The following CCDC93 variants were observed in gnomAD, a reference collection of about 807,000 sequenced individuals.
CCDC93 encodes coiled-coil domain-containing protein 93.
CCDC93 carries 61 observed loss-of-function variants against 108.2 expected under a neutral mutation model. The observed-to-expected ratio is 0.56, with a 90% CI of 0.46 to 0.70. The LOEUF (loss-of-function observed/expected upper bound fraction) is 0.70, where lower values mean the gene tolerates loss of function less well. CCDC93 is among the 30% of genes least tolerant of loss of function. The pLI is 0.00. For synonymous variants in CCDC93, 276 were observed against 260.4 expected (o/e 1.06, Z -0.58); for missense variants, 685 against 764.2 (o/e 0.90, Z 1.22).
intron 6 of CCDC93, among the ~76,000 whole-genome samples, chr2:117,992,340 C>T (rs1316455716): frequency 6.6e-6 from 1 of 152,114 alleles, no homozygotes; most frequent in Non-Finnish European, 1.5e-5. Flanking sequence ...CCTCCCCAGG[C>T]TCAGGTGATC....
At chr2:117,948,685 G>A (rs184359412) in intron 14 of CCDC93, among the ~76,000 whole-genome samples, 1 of 152,286 alleles carries the variant, frequency 6.6e-6, no homozygotes, top group East Asian at 1.9e-4. Flanking sequence ...GGTACTTTTT[G>A]CTAAAAATGT....
In CCDC93 at chr2:117,998,021, CATGAAAGGCTATAG is replaced by C. The variant is rs1680714047; in HGVS notation, c.364-1673_364-1660del. 2.0e-5 allele frequency: 3 copies of C among 152,198 alleles called. No individual in the cohort carries two copies. In the South Asian group the frequency reaches 6.2e-4, roughly 31 times the overall value. The allele number at this position is 152,198 out of a possible 1,614,324, so 9.4% of individuals were successfully genotyped here. A position where few individuals can be genotyped will look rare whatever the true frequency, so the allele number is the denominator to read the frequency against. On this transcript the variant is annotated intron_variant, in intron 4 of 23. Transcript: ENST00000376300. ...CTAACAGATGTTTTGGAGTTTCCAG[CATGAAAGGCTATAG>C]AGGGAAACTCTTGGACAGCCTAGCT...
intron 12 of CCDC93, among the ~76,000 whole-genome samples, chr2:117,955,213 C>T (rs1016717952): frequency 9.2e-5 from 14 of 152,132 alleles, no homozygotes; most frequent in Non-Finnish European, 1.0e-4. Flanking sequence ...CTATTACTGA[C>T]AGATAGATGT....
intron 6 of CCDC93, among the ~76,000 whole-genome samples, chr2:117,986,363 A>G (rs192756384): frequency 9.9e-5 from 15 of 152,188 alleles, no homozygotes; most frequent in South Asian, 4.1e-4. Flanking sequence ...TTCAGCCCCA[A>G]TGAAGTGGTC....
chr2:117,930,876 G>C (rs189584138), intron 23 of CCDC93, 161 bp downstream of exon 23: 4 of 535,782 alleles, frequency 7.5e-6, no homozygotes, highest in Admixed American at 7.1e-5. Context: ...GCAATCTTCA[G>C]CTACCTAGAC....
chr2:117,975,221 G>A lies in CCDC93; in HGVS notation c.717C>T (p.Ala239=), dbSNP rs1316405625. The stretch of plus-strand genomic sequence containing the variant: ...CTGCTCGAAGCTCATCTTCCTCGTG[G>A]GCATCAGCTTTTTCTGTAGCTGACA... ...AGLSATEKAD[A]HEEDELRAAE... is the part of the protein sequence containing the mutation. Residue 239 remains alanine, a synonymous_variant, in exon 9 of 24, where the codon GCC becomes GCT. Transcript: ENST00000376300. 1.2e-6 allele frequency: 2 copies of A among 1,613,862 alleles called. No homozygotes were observed. The highest frequency in any genetic ancestry group is 1.7e-6 in the Non-Finnish European group (2 of 1,179,926).
At position 117,939,106 on chromosome 2, in the gene CCDC93, C is replaced by T; in HGVS notation, c.1528G>A (p.Ala510Thr). ...AACTGCTTGGTTTCTTTGTGCACTGCTGAAACTGTAAAAGTAAAGAAATCA... is the reference window on the plus strand; with the variant it reads ...AACTGCTTGGTTTCTTTGTGCACTGTTGAAACTGTAAAAGTAAAGAAATCA... ...RFIELYRQIS[A>T]VHKETKQFFT... Residue 510 changes from alanine to threonine, a missense_variant, in exon 20 of 24, where the codon GCA (alanine) becomes ACA (threonine). Physicochemically the swap from Ala to Thr is moderately conservative, Grantham distance 58. Transcript: ENST00000376300. 1 of 1,595,266 alleles carries T rather than the reference C, an allele frequency of 6.3e-7. No individual in the cohort carries two copies. Among genetic ancestry groups the T allele is most frequent in the South Asian group, 1.1e-5 (1 of 90,366 alleles).
chr2:117,950,371 C>T, intron 13 of CCDC93: 1 of 985,410 alleles, frequency 1.0e-6, no homozygotes, highest in East Asian at 1.1e-4. Context: ...TAAAAACAAT[C>T]AGCCTCACAC....
chr2:117,966,953 G>C (rs551216076), intron 11 of CCDC93, among the ~76,000 whole-genome samples: 17 of 152,306 alleles, frequency 1.1e-4, no homozygotes, highest in African/African-American at 3.4e-4. Flanking sequence ...ATGGAAATGA[G>C]ATCAAGATGT....
chr2:117,935,916 A>G lies in CCDC93; in HGVS notation c.1644-337T>C, dbSNP rs142094352. ...TTATTTGAAATACGGCATGTACTGC[A>G]TAAGTAATGAATTTCATTTGGTTTA... On this transcript the variant is annotated intron_variant, in intron 21 of 23. Transcript: ENST00000376300. 6.1e-3 allele frequency: 1,121 copies of G among 182,854 alleles called. 8 individuals are homozygous for G. The highest frequency in any genetic ancestry group is 7.8e-3 in the Non-Finnish European group (694 of 88,686). 11.3% of individuals were successfully genotyped at this position (182,854 alleles called of 1,614,324 possible).
chr2:118,000,468 A>T (rs2104822067), intron 4 of CCDC93, among the ~76,000 whole-genome samples: 1 of 152,340 alleles, frequency 6.6e-6, no homozygotes, highest in Admixed American at 6.5e-5. Flanking sequence ...AATGCCAGAG[A>T]GTGCTAGAAC....
At chr2:117,976,280 T>C (rs1679941995) in intron 8 of CCDC93, among the ~76,000 whole-genome samples, 1 of 152,170 alleles carries the variant, frequency 6.6e-6, no homozygotes, top group African/African-American at 2.4e-5. Flanking sequence ...TCATGATTTT[T>C]CCAATCATAA....
At chr2:117,938,149 T>C (rs1320007476) in intron 20 of CCDC93, among the ~76,000 whole-genome samples, 3 of 152,180 alleles carry the variant, frequency 2.0e-5, no homozygotes, top group South Asian at 2.1e-4. Context: ...TCTCATTCTG[T>C]CCGCATTATA....
chr2:117,974,920 G>A lies in CCDC93; in HGVS notation c.751-20C>T, dbSNP rs755788649. ...ACGCTGCTGAAAGAGGAATGGAAGG[G>A]AGCAGCAGTGAGTGGTTCTGAACAT... On this transcript the variant is annotated intron_variant, in intron 9 of 23. Coordinates refer to ENST00000376300, the MANE Select transcript of CCDC93 (RefSeq NM_019044.5). 5 of 1,554,354 alleles carry A rather than the reference G, an allele frequency of 3.2e-6. No homozygotes were observed. Among genetic ancestry groups the A allele is most frequent in the Non-Finnish European group, 2.6e-6 (3 of 1,147,024 alleles).
chr2:117,953,611 C>A (rs936045623), intron 12 of CCDC93, among the ~76,000 whole-genome samples: 2 of 151,378 alleles, frequency 1.3e-5, no homozygotes, highest in Non-Finnish European at 2.9e-5. Flanking sequence ...ATGACAGTTT[C>A]AAGAGGTGGG....
intron 11 of CCDC93, among the ~76,000 whole-genome samples, chr2:117,972,075 A>G (rs1413600917): frequency 6.6e-6 from 1 of 152,228 alleles, no homozygotes; most frequent in African/African-American, 2.4e-5. Context: ...ACCCACATAT[A>G]TGAAAAGTTG....
intron 5 of CCDC93, chr2:117,995,704 A>G: frequency 1.9e-6 from 1 of 524,170 alleles, no homozygotes; most frequent in Non-Finnish European, 3.4e-6. Flanking sequence ...AGATCCCTAC[A>G]CAGCCAGTAA....
At chr2:117,929,486 G>A (rs968358448) in intron 23 of CCDC93, among the ~76,000 whole-genome samples, 1 of 152,148 alleles carries the variant, frequency 6.6e-6, no homozygotes, top group African/African-American at 2.4e-5. Context: ...GTCATCCTAA[G>A]CTCTCATCTG....
At chr2:118,012,206 A>T (rs1677037369) in intron 1 of CCDC93, among the ~76,000 whole-genome samples, 1 of 152,040 alleles carries the variant, frequency 6.6e-6, no homozygotes, top group African/African-American at 2.4e-5. Context: ...CCTGGGAGGC[A>T]GAGGTTGCAA....
Sources: allele counts gnomAD v4.1 joint callset (sites outside exome capture counted in the v4.1 genomes callset), GRCh38; gene constraint gnomAD v4.1.1; transcripts MANE v1.5; gene names NCBI Gene and HGNC (gene_info 2026-07-23, HGNC 2026-07-21).